MBD5: variants seen among roughly 807,000 people sequenced by gnomAD.
MBD5 encodes methyl-CpG-binding domain protein 5.
Under a neutral mutation model 117.3 loss-of-function variants are expected in MBD5, and 13 were observed. The observed-to-expected ratio is 0.11, with a 90% CI of 0.07 to 0.18. The LOEUF (loss-of-function observed/expected upper bound fraction) is 0.18, where lower values mean the gene tolerates loss of function less well. Ranked by LOEUF, MBD5 falls within the 10% of genes least tolerant of loss-of-function variation. The pLI is 1.00. For synonymous variants in MBD5, 727 were observed against 766.4 expected (o/e 0.95, Z 0.85); for missense variants, 1,879 against 2,093.8 (o/e 0.90, Z 2.00).
intron 3 of MBD5, among the ~76,000 whole-genome samples, chr2:148,257,506 A>G (rs533092414): frequency 6.6e-6 from 1 of 152,240 alleles, no homozygotes; most frequent in East Asian, 1.9e-4. Context: ...CGACCAGATA[A>G]CTCCCAAGAA....
intron 3 of MBD5, among the ~76,000 whole-genome samples, chr2:148,250,407 T>G (rs1700438638): frequency 6.6e-6 from 1 of 152,180 alleles, no homozygotes. Context: ...CAAGTTTACC[T>G]GTGTAACAAA....
At chr2:148,201,669 A>C (rs1699145975) in intron 2 of MBD5, among the ~76,000 whole-genome samples, 1 of 152,214 alleles carries the variant, frequency 6.6e-6, no homozygotes, top group Admixed American at 6.5e-5. Flanking sequence ...GCTGACAATC[A>C]AAGGGTGAGA....
chr2:148,443,883 T>A (rs796112437), intron 4 of MBD5, among the ~76,000 whole-genome samples: 2 of 151,270 alleles, frequency 1.3e-5, no homozygotes, highest in African/African-American at 4.9e-5. Flanking sequence ...CATTTTAAAA[T>A]AACTGAAAGT....
chr2:148,284,715 C>T (rs950406301), intron 3 of MBD5, among the ~76,000 whole-genome samples: 3 of 151,784 alleles, frequency 2.0e-5, no homozygotes, highest in Admixed American at 2.0e-4. Flanking sequence ...GGCTCACTTG[C>T]TTTTTTTCTT....
At chr2:148,502,281 A>G (rs1681894728) in intron 11 of MBD5, 155 bp from the exon 12 acceptor site, 2 of 705,896 alleles carry the variant, frequency 2.8e-6, no homozygotes, top group African/African-American at 1.8e-5. Context: ...TCAACCTCTA[A>G]TGATTGAGTG....
At chr2:148,295,536 GTCC>G (rs1701628083) in intron 3 of MBD5, 2 of 152,190 alleles carry the variant, frequency 1.3e-5, no homozygotes, top group African/African-American at 4.8e-5. Flanking sequence ...CAGAAAGTAT[GTCC>G]TCCTCACAGT....
intron 3 of MBD5, among the ~76,000 whole-genome samples, chr2:148,326,932 C>T (rs1478296918): frequency 2.0e-5 from 3 of 150,582 alleles, no homozygotes; most frequent in Admixed American, 6.6e-5. Context: ...TTCCCAGTCT[C>T]GATGGTCTTT....
intron 1 of MBD5, among the ~76,000 whole-genome samples, chr2:148,043,163 C>G (rs946083921): frequency 6.6e-6 from 1 of 151,862 alleles, no homozygotes; most frequent in Non-Finnish European, 1.5e-5. Context: ...CTGTGGCTCA[C>G]ACCTGTAATC....
chr2:148,101,397 G>A (rs977591309), intron 1 of MBD5, among the ~76,000 whole-genome samples: 2 of 152,048 alleles, frequency 1.3e-5, no homozygotes, highest in African/African-American at 4.8e-5. Flanking sequence ...AGGAGTTTGA[G>A]GTTGCAGTGA....
chr2:148,051,604 A>AGTGTGTGTGTGTGT (rs59584574), intron 1 of MBD5, among the ~76,000 whole-genome samples: 11 of 139,156 alleles, frequency 7.9e-5, no homozygotes, highest in South Asian at 2.4e-4. Flanking sequence ...CTGTTTGTTG[A>AGTGTGTGTGTGTGT]GTGTGTGTGT....
intron 7 of MBD5, 144 bp downstream of exon 7, chr2:148,464,063 C>A: frequency 1.1e-6 from 1 of 885,848 alleles, no homozygotes; most frequent in Non-Finnish European, 1.7e-6. Context: ...AATTTTATTA[C>A]AAATAGCAAA....
chr2:148,251,322 A>AT (rs747222437), intron 3 of MBD5, among the ~76,000 whole-genome samples: 6 of 152,080 alleles, frequency 3.9e-5, no homozygotes, highest in Admixed American at 1.3e-4. Context: ...TATTTCACTG[A>AT]TTTTTTTCCA....
chr2:148,087,750 A>T (rs1695832641), intron 1 of MBD5, among the ~76,000 whole-genome samples: 1 of 152,186 alleles, frequency 6.6e-6, no homozygotes, highest in African/African-American at 2.4e-5. Flanking sequence ...CCACTACCAT[A>T]GTCTACCCAA....
intron 4 of MBD5, among the ~76,000 whole-genome samples, chr2:148,368,449 A>C (rs1057351900): frequency 6.6e-6 from 1 of 152,162 alleles, no homozygotes; most frequent in Non-Finnish European, 1.5e-5. Context: ...CATTCTGCAC[A>C]TGTATCCCAA....
intron 2 of MBD5, among the ~76,000 whole-genome samples, chr2:148,230,824 G>C (rs1460243877): frequency 6.6e-6 from 1 of 152,116 alleles, no homozygotes; most frequent in Non-Finnish European, 1.5e-5. Context: ...GTTGCCCAGG[G>C]TGTGTCTAGA....
chr2:148,151,232 G>C (rs1457303293), intron 1 of MBD5, among the ~76,000 whole-genome samples: 1 of 151,998 alleles, frequency 6.6e-6, no homozygotes, highest in African/African-American at 2.4e-5. Flanking sequence ...CTGTTTATGT[G>C]CTGGATTACA....
intron 1 of MBD5, among the ~76,000 whole-genome samples, chr2:148,062,955 A>G (rs925848633): frequency 2.6e-5 from 4 of 152,160 alleles, no homozygotes; most frequent in African/African-American, 7.2e-5. Flanking sequence ...AATAATTACA[A>G]ATTATCTTGG....
intron 3 of MBD5, among the ~76,000 whole-genome samples, chr2:148,294,890 C>T (rs528181994): frequency 1.7e-4 from 26 of 152,278 alleles, no homozygotes; most frequent in African/African-American, 5.3e-4. Flanking sequence ...GCCTTCTGGT[C>T]TCCATTGTTT....
chr2:148,259,327 A>T (rs963808211), intron 3 of MBD5, among the ~76,000 whole-genome samples: 2 of 151,928 alleles, frequency 1.3e-5, no homozygotes, highest in African/African-American at 2.4e-5. Flanking sequence ...GCAAGCAAAG[A>T]CTCGTTCATT....
Sources: gnomAD v4.1 joint callset for allele counts (sites outside exome capture counted in the v4.1 genomes callset) on GRCh38, gnomAD v4.1.1 for gene constraint, MANE v1.5 for transcripts, NCBI Gene and HGNC (gene_info 2026-07-23, HGNC 2026-07-21) for gene names.